Variants in CA8 observed in about 807,000 individuals in gnomAD.
The protein encoded by CA8 is carbonic anhydrase-related protein.
In CA8, 22 loss-of-function variants were observed where a neutral mutation model predicts 41.4. The observed-to-expected ratio is 0.53, with a 90% CI of 0.38 to 0.76. The LOEUF (loss-of-function observed/expected upper bound fraction) is 0.76, where lower values mean the gene tolerates loss of function less well. Among genes scored for constraint, CA8 ranks in the 30% least tolerant of loss-of-function variants. The pLI is 0.00. For missense variants in CA8, 270 were observed against 352.8 expected, an observed-to-expected ratio of 0.77 and a Z score of 1.88; for synonymous variants, 121 against 130.6, an observed-to-expected ratio of 0.93 and a Z score of 0.50.
Position 60,185,885 on chromosome 8 carries a change from GTAATTA to G in CA8, c.*4130_*4135del, listed in dbSNP as rs1224491489. Among the ~76,000 whole-genome samples the G allele has an allele frequency of 6.6e-6, 1 of 151,588 alleles. No individual in the cohort carries two copies. The highest frequency in any genetic ancestry group is 1.9e-4 in the East Asian group (1 of 5,198). On this transcript the variant is annotated 3_prime_UTR_variant, in exon 9 of 9. Coordinates refer to ENST00000317995, the MANE Select transcript of CA8 (RefSeq NM_004056.6). ...AAAGGGCACTGGTAAATGTAATTAT[GTAATTA>G]TGAAAGACAGTATAAATGCATTTCT... is the stretch of plus-strand genomic sequence containing the variant.
intron 3 of CA8, among the ~76,000 whole-genome samples, chr8:60,261,735 T>A (rs1362731761): frequency 2.0e-5 from 3 of 152,280 alleles, no homozygotes; most frequent in South Asian, 2.1e-4. Flanking sequence ...ACACTGTTGG[T>A]CTCCCCATCA....
chr8:60,246,002 C>G (rs571488969), intron 3 of CA8, among the ~76,000 whole-genome samples: 2 of 152,250 alleles, frequency 1.3e-5, no homozygotes, highest in Admixed American at 1.3e-4. Flanking sequence ...ATGTTGAGAG[C>G]AGATATGGGA....
chr8:60,203,267 A>T (rs904635074), intron 8 of CA8, among the ~76,000 whole-genome samples: 1 of 151,998 alleles, frequency 6.6e-6, no homozygotes, highest in Admixed American at 6.6e-5. Flanking sequence ...GATTGGAGAT[A>T]AAAAAAAGAA....
intron 4 of CA8, among the ~76,000 whole-genome samples, chr8:60,227,699 A>C (rs1434239042): frequency 6.6e-6 from 1 of 152,168 alleles, no homozygotes; most frequent in Admixed American, 6.5e-5. Flanking sequence ...TTGTATGTTA[A>C]ATTCACCAAA....
intron 6 of CA8, among the ~76,000 whole-genome samples, chr8:60,223,943 A>T (rs1194444954): frequency 6.6e-6 from 1 of 152,256 alleles, no homozygotes; most frequent in Non-Finnish European, 1.5e-5. Flanking sequence ...TCTGTACAGA[A>T]ATACAAGTGG....
At chr8:60,280,663 AT>A (rs1369591475) in intron 1 of CA8, among the ~76,000 whole-genome samples, 1 of 152,240 alleles carries the variant, frequency 6.6e-6, no homozygotes, top group Non-Finnish European at 1.5e-5. Context: ...CCAAAAACGA[AT>A]TCTTCACGCT....
chr8:60,245,909 TG>T (rs1404471984), intron 3 of CA8, among the ~76,000 whole-genome samples: 9 of 151,978 alleles, frequency 5.9e-5, no homozygotes, highest in Non-Finnish European at 8.8e-5. Flanking sequence ...GCAGCCGGGG[TG>T]GGGGGCGATT....
intron 3 of CA8, among the ~76,000 whole-genome samples, chr8:60,261,195 T>C (rs1246502977): frequency 2.6e-5 from 4 of 152,180 alleles, no homozygotes; most frequent in Non-Finnish European, 5.9e-5. Flanking sequence ...TGTTGGCCTA[T>C]TTTGCAACCA....
At position 60,187,605 on chromosome 8, in the gene CA8, C is replaced by CA. The variant is rs35034352; in HGVS notation, c.*2415dup. 17 of 151,844 alleles carry CA rather than the reference C, an allele frequency of 1.1e-4. No individual in the cohort carries two copies. Among genetic ancestry groups the CA allele is most frequent in the African/African-American group, 4.1e-4 (17 of 41,382 alleles). The allele number at this position is 151,844 out of a possible 1,614,324, so 9.4% of individuals were successfully genotyped here. ...ACAAGCCTTCAGCTAAACTAACCAA[C>CA]AAAAAAAGAGTAAACTCAAATTATC... On this transcript the variant is annotated 3_prime_UTR_variant, in exon 9 of 9. Coordinates refer to ENST00000317995, the MANE Select transcript of CA8 (RefSeq NM_004056.6).
At chr8:60,270,021 G>A (rs1804019829) in intron 2 of CA8, among the ~76,000 whole-genome samples, 2 of 152,198 alleles carry the variant, frequency 1.3e-5, no homozygotes, top group South Asian at 4.1e-4. Flanking sequence ...TCTGAGACAT[G>A]AAGCAGCTTA....
intron 6 of CA8, 65 bp downstream of exon 6, chr8:60,224,472 T>A (rs1807357301): frequency 1.1e-6 from 1 of 945,188 alleles, no homozygotes; most frequent in African/African-American, 1.6e-5. Flanking sequence ...TTACATAGTC[T>A]GAAGAAAACA....
At chr8:60,192,546 A>G (rs956070153) in intron 8 of CA8, among the ~76,000 whole-genome samples, 11 of 152,124 alleles carry the variant, frequency 7.2e-5, no homozygotes, top group African/African-American at 2.7e-4. Context: ...TTTTAGAGAA[A>G]GTTTTCATAG....
chr8:60,246,196 A>G (rs1411622178), intron 3 of CA8, among the ~76,000 whole-genome samples: 2 of 152,192 alleles, frequency 1.3e-5, no homozygotes, highest in African/African-American at 4.8e-5. Context: ...CAGCCATCTA[A>G]AGCATTCTCA....
chr8:60,226,967 A>G, intron 4 of CA8, 32 bp from the exon 5 acceptor site: 1 of 1,489,510 alleles, frequency 6.7e-7, no homozygotes, highest in Non-Finnish European at 9.4e-7. Context: ...CCACAACCAC[A>G]ACATTTTTCA....
chr8:60,260,506 T>C lies in CA8; in HGVS notation c.417+5419A>G, dbSNP rs1585917703. On this transcript the variant is annotated intron_variant, in intron 3 of 8. Coordinates refer to ENST00000317995, the MANE Select transcript of CA8 (RefSeq NM_004056.6). Reference sequence around the variant, plus strand: ...TAGGGGGTGCAAGGACAAAGCCCATTGTGTTGTCTCTCTGCAACTAAACCA... The same window carrying C: ...TAGGGGGTGCAAGGACAAAGCCCATCGTGTTGTCTCTCTGCAACTAAACCA... Among the ~76,000 whole-genome samples, 3 of 152,302 alleles carry C rather than the reference T, an allele frequency of 2.0e-5. 1 individual carries two copies. The highest frequency in any genetic ancestry group is 6.5e-5 in the Admixed American group (1 of 15,300).
At chr8:60,197,497 G>A (rs1279597477) in intron 8 of CA8, among the ~76,000 whole-genome samples, 1 of 152,066 alleles carries the variant, frequency 6.6e-6, no homozygotes, top group East Asian at 1.9e-4. Context: ...CACCCTACGA[G>A]GTAAATACCA....
intron 3 of CA8, among the ~76,000 whole-genome samples, chr8:60,260,486 G>T (rs912787592): frequency 6.6e-6 from 1 of 152,142 alleles, no homozygotes; most frequent in Admixed American, 6.5e-5. Context: ...ATCATTAGGG[G>T]GTGCAAGGAC....
chr8:60,205,647 T>C (rs909827457), intron 8 of CA8, among the ~76,000 whole-genome samples: 3 of 152,240 alleles, frequency 2.0e-5, no homozygotes, highest in Admixed American at 6.5e-5. Flanking sequence ...TAAACAAGTA[T>C]AATACAAAAT....
intron 3 of CA8, among the ~76,000 whole-genome samples, chr8:60,259,026 A>G (rs1803646746): frequency 1.3e-5 from 2 of 152,320 alleles, no homozygotes; most frequent in South Asian, 4.1e-4. Flanking sequence ...CACTGCATGA[A>G]AAACTCCCTG....
Sources: allele counts gnomAD v4.1 joint callset (sites outside exome capture counted in the v4.1 genomes callset), GRCh38; gene constraint gnomAD v4.1.1; transcripts MANE v1.5; gene names NCBI Gene and HGNC (gene_info 2026-07-23, HGNC 2026-07-21).